RDX: variants seen among roughly 807,000 people sequenced by gnomAD.
The protein encoded by RDX is deafness, autosomal recessive 24.
Under a neutral mutation model 83.7 loss-of-function variants are expected in RDX, and 32 were observed. The observed-to-expected ratio is 0.38, with a 90% CI of 0.29 to 0.51. The LOEUF is 0.51. Among genes scored for constraint, RDX ranks in the 20% least tolerant of loss-of-function variants. The pLI, the probability that RDX is intolerant of heterozygous loss-of-function variation, is 0.87. For synonymous variants in RDX, 229 were observed against 222.7 expected, an observed-to-expected ratio of 1.03 and a Z score of -0.25; for missense variants, 600 against 689.9, an observed-to-expected ratio of 0.87 and a Z score of 1.46.
At chr11:110,294,883 C>A (rs748977767) in intron 1 of RDX, among the ~76,000 whole-genome samples, 6 of 152,156 alleles carry the variant, frequency 3.9e-5, no homozygotes, top group Non-Finnish European at 8.8e-5. Flanking sequence ...AAGAACTCAA[C>A]GTTTTTTCAA....
intron 2 of RDX, among the ~76,000 whole-genome samples, chr11:110,278,244 G>A (rs996946324): frequency 1.3e-5 from 2 of 148,472 alleles, no homozygotes; most frequent in African/African-American, 5.0e-5. Context: ...TTTTTTAATT[G>A]CTTTAGCTAC....
chr11:110,188,925 T>C (rs1051730283), intron 15 of RDX, among the ~76,000 whole-genome samples: 1 of 152,032 alleles, frequency 6.6e-6, no homozygotes, highest in Non-Finnish European at 1.5e-5. Flanking sequence ...ACAGACCCTA[T>C]AAAGCAACCG....
chr11:110,217,287 T>C (rs1197457673), intron 14 of RDX, among the ~76,000 whole-genome samples: 1 of 152,050 alleles, frequency 6.6e-6, no homozygotes, highest in Non-Finnish European at 1.5e-5. Context: ...TATCAGTAAC[T>C]GCACATGATT....
rs187580321 is a variant in RDX, at chr11:110,287,946, C to A, written c.-64-8190G>T. On this transcript the variant is annotated intron_variant, in intron 1 of 13. Coordinates refer to ENST00000645495, the MANE Select transcript of RDX (RefSeq NM_002906.4). ...AGATACCATTTTAGACAAGTTCATTCGAAACAATTACTAGGGCTTTTCAAG... is the reference window on the plus strand; with the variant it reads ...AGATACCATTTTAGACAAGTTCATTAGAAACAATTACTAGGGCTTTTCAAG... 3.4e-3 allele frequency among the ~76,000 whole-genome samples: 516 copies of A among 152,260 alleles called. 3 individuals are homozygous for A. Among genetic ancestry groups the A allele is most frequent in the Non-Finnish European group, 5.7e-3 (387 of 68,016 alleles).
At position 110,263,992 on chromosome 11, in the gene RDX, G is replaced by A. The variant is rs1859915432; in HGVS notation, c.435C>T (p.Gly145=). 2 of 1,612,646 alleles carry A rather than the reference G, an allele frequency of 1.2e-6. No homozygotes were observed. Among genetic ancestry groups the A allele is most frequent in the Admixed American group, 1.7e-5 (1 of 59,992 alleles). ...GDYNKEIHKP[G]YLANDRLLPQ... is the part of the protein sequence containing the mutation. ...GTAGGAGTCTATCATTAGCCAGGTAGCCTGGCTTATGAATCTCTTTATTGT... is the reference window on the plus strand; with the variant it reads ...GTAGGAGTCTATCATTAGCCAGGTAACCTGGCTTATGAATCTCTTTATTGT... Residue 145 remains glycine, a synonymous_variant, in exon 5 of 14, where the codon GGC becomes GGT. Transcript: ENST00000645495.
chr11:110,258,401 A>G (rs1859639466), intron 5 of RDX, among the ~76,000 whole-genome samples: 1 of 152,160 alleles, frequency 6.6e-6, no homozygotes, highest in Admixed American at 6.5e-5. Context: ...GATTGTACCA[A>G]TGTCAATATC....
At chr11:110,242,387 T>C (rs188660168) in intron 10 of RDX, among the ~76,000 whole-genome samples, 5 of 150,634 alleles carry the variant, frequency 3.3e-5, no homozygotes, top group Admixed American at 6.6e-5. Context: ...TGACCCGAGA[T>C]TGCACAATCG....
rs79680672 is a variant in RDX, at chr11:110,207,869, G to A, written c.1749-8191C>T. On this transcript the variant is annotated intron_variant, in intron 14 of 15. Coordinates refer to the RDX transcript ENST00000528498. The stretch of plus-strand genomic sequence containing the variant: ...TTGCCCTATTTGCTCTAATTTGATA[G>A]AATCTACTAGTCTAAAAGCAAAATA... Among the ~76,000 whole-genome samples, 745 of 152,164 alleles carry A rather than the reference G, an allele frequency of 4.9e-3. 8 individuals are homozygous for A. The highest frequency in any genetic ancestry group is 0.017 in the African/African-American group (714 of 41,518).
chr11:110,243,996 C>T (rs1865202406), intron 10 of RDX, among the ~76,000 whole-genome samples: 1 of 152,136 alleles, frequency 6.6e-6, no homozygotes, highest in Admixed American at 6.6e-5. Flanking sequence ...AGCAATTCCA[C>T]TCCTTAGGTT....
At chr11:110,267,457 G>A (rs1860092437) in intron 3 of RDX, among the ~76,000 whole-genome samples, 1 of 151,764 alleles carries the variant, frequency 6.6e-6, no homozygotes, top group Non-Finnish European at 1.5e-5. Context: ...AGGCTGCAGT[G>A]AGCCGAGTTC....
intron 15 of RDX, among the ~76,000 whole-genome samples, chr11:110,188,335 TAAC>T (rs1218946518): frequency 2.3e-4 from 35 of 149,046 alleles, no homozygotes; most frequent in African/African-American, 8.4e-4. Flanking sequence ...ATAATAATAA[TAAC>T]AATAATAATG....
chr11:110,295,358 T>C (rs1318464772), intron 1 of RDX, among the ~76,000 whole-genome samples: 2 of 148,396 alleles, frequency 1.3e-5, no homozygotes, highest in Non-Finnish European at 3.0e-5. Context: ...TAGATTACAA[T>C]GTCTATGTCA....
At chr11:110,258,532 A>G (rs1457265897) in intron 5 of RDX, among the ~76,000 whole-genome samples, 1 of 152,172 alleles carries the variant, frequency 6.6e-6, no homozygotes, top group East Asian at 1.9e-4. Context: ...CTCAAAGTTA[A>G]GTGTCTAGGA....
chr11:110,241,301 TC>T (rs1279731955), intron 10 of RDX, among the ~76,000 whole-genome samples: 65 of 152,138 alleles, frequency 4.3e-4, no homozygotes, highest in Middle Eastern at 3.4e-3. Context: ...TCTTTCTTTT[TC>T]TTTTTTTTAT....
rs563566636 is a variant in RDX at position 110,276,326 on chromosome 11, A to G, written c.12+3355T>C. On this transcript the variant is annotated intron_variant, in intron 2 of 13. Coordinates refer to ENST00000645495, the MANE Select transcript of RDX (RefSeq NM_002906.4). The stretch of plus-strand genomic sequence containing the variant: ...GTGCTGTCACAAATCAAGTATCTGC[A>G]TAAGTGTGGATCTAATTTTGTTCCA... Among the ~76,000 whole-genome samples the G allele has an allele frequency of 9.5e-4, 144 of 152,276 alleles. 5 individuals are homozygous for G. In the South Asian group the frequency reaches 0.029, roughly 31 times the overall value.
chr11:110,279,760 T>G lies in RDX; in HGVS notation c.-64-4A>C. 1.1e-6 allele frequency: 1 copy of G among 944,170 alleles called. No individual in the cohort carries two copies. The highest frequency in any genetic ancestry group is 1.4e-5 in the South Asian group (1 of 69,218). The allele number at this position is 944,170 out of a possible 1,614,324, so 58.5% of individuals were successfully genotyped here. ...CAATGAATTCTGTTATCACTTTCTG[T>G]TAAAAAAAAAAAAGCATAATCTATT... On this transcript the variant is annotated splice_region_variant and splice_polypyrimidine_tract_variant and intron_variant, in intron 1 of 13. Transcript: ENST00000645495.
chr11:110,189,273 AGGGCATT>A (rs1863058917), intron 15 of RDX, among the ~76,000 whole-genome samples: 12 of 146,292 alleles, frequency 8.2e-5, no homozygotes, highest in African/African-American at 2.9e-4. Context: ...AAAAAAGACA[AGGGCATT>A]ACATAATGAC....
intron 14 of RDX, among the ~76,000 whole-genome samples, chr11:110,208,916 A>G (rs1050444068): frequency 1.3e-5 from 2 of 152,240 alleles, no homozygotes; most frequent in East Asian, 3.8e-4. Flanking sequence ...AGATCACGTC[A>G]TTACACTCTA....
intron 1 of RDX, among the ~76,000 whole-genome samples, chr11:110,294,145 G>C (rs974699439): frequency 6.6e-6 from 1 of 152,260 alleles, no homozygotes; most frequent in Non-Finnish European, 1.5e-5. Context: ...TGTAATCCCA[G>C]CACTTTGGGA....
Sources: allele counts gnomAD v4.1 joint callset (sites outside exome capture counted in the v4.1 genomes callset), GRCh38; gene constraint gnomAD v4.1.1; transcripts MANE v1.5; gene names NCBI Gene and HGNC (gene_info 2026-07-23, HGNC 2026-07-21).